INSIG2: variants seen among roughly 807,000 people sequenced by gnomAD.
INSIG2 encodes insulin induced gene 2, also known as insulin-induced gene 2 protein.
A neutral mutation model predicts 27.2 loss-of-function variants in INSIG2; 10 were observed. That is an observed-to-expected ratio of 0.37 (90% CI 0.23 to 0.62). INSIG2 has a LOEUF of 0.62. INSIG2 is among the 20% of genes least tolerant of loss of function. The probability of loss-of-function intolerance (pLI) is 0.65; values close to 1 mark genes in which losing one functional copy is unlikely to be tolerated. For synonymous variants in INSIG2, 97 were observed against 95.8 expected, an observed-to-expected ratio of 1.01 and a Z score of -0.07; for missense variants, 178 against 270.2, an observed-to-expected ratio of 0.66 and a Z score of 2.39.
chr2:118,102,895 C>T (rs889904), intron 2 of INSIG2, among the ~76,000 whole-genome samples: 76,323 of 151,986 alleles, frequency 0.5, 19,821 homozygotes, highest in African/African-American at 0.61. Context: ...TTTAGTAGCA[C>T]GAATCATTTA....
chr2:118,099,928 C>T (rs958652077), intron 2 of INSIG2, among the ~76,000 whole-genome samples: 1 of 152,172 alleles, frequency 6.6e-6, no homozygotes, highest in African/African-American at 2.4e-5. Flanking sequence ...ATGGTACCCT[C>T]ACTGCTAAGA....
At chr2:118,093,392 A>AGGAGGAGG (rs1208153099) in intron 1 of INSIG2, among the ~76,000 whole-genome samples, 3 of 1,874 alleles carry the variant, frequency 1.6e-3, no homozygotes, top group Admixed American at 0.013. Flanking sequence ...GATGATGATG[A>AGGAGGAGG]AGGAGAGTTC....
intron 5 of INSIG2, 51 bp from the exon 6 acceptor site, chr2:118,108,230 A>G (rs372874775): frequency 1.6e-6 from 2 of 1,236,582 alleles, no homozygotes; most frequent in Non-Finnish European, 2.3e-6. Context: ...GGAAGTTGCT[A>G]TTCAAAAGAA....
chr2:118,101,290 C>CA (rs1365038415), intron 2 of INSIG2, among the ~76,000 whole-genome samples: 2 of 152,182 alleles, frequency 1.3e-5, no homozygotes, highest in Non-Finnish European at 2.9e-5. Flanking sequence ...CATGCATACT[C>CA]AATGGATTTG....
chr2:118,100,435 G>A (rs1678515034), intron 2 of INSIG2, among the ~76,000 whole-genome samples: 1 of 126,064 alleles, frequency 7.9e-6, no homozygotes, highest in Non-Finnish European at 1.6e-5. Context: ...CTGGAGTGCA[G>A]TGGCGCCATC....
intron 2 of INSIG2, among the ~76,000 whole-genome samples, chr2:118,100,248 C>T (rs538245174): frequency 3.0e-4 from 45 of 152,248 alleles, no homozygotes; most frequent in African/African-American, 1.0e-3. Context: ...AGCACCTTGC[C>T]TTCCCCTAGC....
Position 118,096,485 on chromosome 2 carries a change from G to C in INSIG2, c.-72G>C. ...TTGAAGCGTCAGTCTTTGATTCACA[G>C]ACAGTTGAGCTTTTCAGCTGGGAAG... is the stretch of plus-strand genomic sequence containing the variant. On this transcript the variant is annotated 5_prime_UTR_variant, in exon 2 of 6. Transcript: ENST00000245787. 3 of 1,480,278 alleles carry C rather than the reference G, an allele frequency of 2.0e-6. No homozygotes were observed. Among genetic ancestry groups the C allele is most frequent in the Non-Finnish European group, 2.7e-6 (3 of 1,104,200 alleles). The allele number at this position is 1,480,278 out of a possible 1,614,324, so 91.7% of individuals were successfully genotyped here.
intron 2 of INSIG2, among the ~76,000 whole-genome samples, chr2:118,101,774 A>G (rs564261415): frequency 2.6e-5 from 4 of 152,340 alleles, no homozygotes; most frequent in Non-Finnish European, 5.9e-5. Flanking sequence ...TGAAACTTCT[A>G]GATTTACTAA....
chr2:118,103,174 AT>A (rs1678590752), intron 2 of INSIG2, 22 bp from the exon 3 acceptor site: 17 of 1,606,500 alleles, frequency 1.1e-5, no homozygotes, highest in Non-Finnish European at 1.3e-5. Context: ...AGGTAACTTA[AT>A]TTTTTTCTTT....
chr2:118,102,995 C>T (rs995473650), intron 2 of INSIG2, among the ~76,000 whole-genome samples: 1 of 150,254 alleles, frequency 6.7e-6, no homozygotes, highest in Non-Finnish European at 1.5e-5. Flanking sequence ...GCAATACTTT[C>T]TTCATTGGTG....
intron 4 of INSIG2, 62 bp from the exon 5 acceptor site, chr2:118,107,028 T>C: frequency 6.9e-7 from 1 of 1,452,378 alleles, no homozygotes; most frequent in East Asian, 2.3e-5. Flanking sequence ...ATTTTCATTG[T>C]AATTATCTTA....
At chr2:118,088,892 T>C (rs1678158795) in intron 1 of INSIG2, among the ~76,000 whole-genome samples, 1 of 152,118 alleles carries the variant, frequency 6.6e-6, no homozygotes, top group African/African-American at 2.4e-5. Flanking sequence ...CTGTCAAGCA[T>C]AGAGCTGCCA....
Position 118,096,455 on chromosome 2 carries a change from T to A in INSIG2, c.-102T>A. 8.4e-7 allele frequency: 1 copy of A among 1,195,906 alleles called. No homozygotes were observed. The allele number at this position is 1,195,906 out of a possible 1,614,324, so 74.1% of individuals were successfully genotyped here. A position where few individuals can be genotyped will look rare whatever the true frequency, so the allele number is the denominator to read the frequency against. On this transcript the variant is annotated 5_prime_UTR_variant, in exon 2 of 6. Transcript: ENST00000245787. Reference sequence around the variant, plus strand: ...GGTCCTACTTTAGGACAAGATGTGGTACCGTTGAAGCGTCAGTCTTTGATT... The same window carrying A: ...GGTCCTACTTTAGGACAAGATGTGGAACCGTTGAAGCGTCAGTCTTTGATT...
chr2:118,094,342 C>G (rs1678356564), intron 1 of INSIG2, among the ~76,000 whole-genome samples: 1 of 123,744 alleles, frequency 8.1e-6, no homozygotes, highest in Non-Finnish European at 1.7e-5. Context: ...AGTTCTGTAG[C>G]TACTGAACCT....
intron 1 of INSIG2, chr2:118,088,770 G>GTA (rs1008909914): frequency 1.3e-5 from 2 of 152,890 alleles, no homozygotes; most frequent in African/African-American, 4.8e-5. Context: ...CGGGGAGGGG[G>GTA]TATAGGAGGG....
rs935499678 is a variant in INSIG2 at position 118,106,684 on chromosome 2, G to C, written c.370-53G>C. ...CATCTCTTATTTAGAAAAATGAACA[G>C]ATGATATTATTTGGTTACAACTTTT... On this transcript the variant is annotated intron_variant, in intron 3 of 5. Transcript: ENST00000245787. The C allele has an allele frequency of 1.6e-5, 24 of 1,456,682 alleles. No homozygotes were observed. In the African/African-American group the frequency reaches 3.1e-4, roughly 19 times the overall value. The allele number at this position is 1,456,682 out of a possible 1,614,324, so 90.2% of individuals were successfully genotyped here.
intron 1 of INSIG2, among the ~76,000 whole-genome samples, chr2:118,090,915 C>T (rs572194714): frequency 6.6e-6 from 1 of 152,238 alleles, no homozygotes; most frequent in South Asian, 2.1e-4. Flanking sequence ...ACTAACAACA[C>T]CTGCCTATTT....
chr2:118,098,970 T>G (rs978245159), intron 2 of INSIG2, among the ~76,000 whole-genome samples: 1 of 152,220 alleles, frequency 6.6e-6, no homozygotes, highest in African/African-American at 2.4e-5. Context: ...ATTTTGTTAG[T>G]TAAGTCATGG....
intron 3 of INSIG2, among the ~76,000 whole-genome samples, chr2:118,104,842 T>C (rs1027933618): frequency 6.6e-6 from 1 of 152,160 alleles, no homozygotes; most frequent in Admixed American, 6.5e-5. Flanking sequence ...AGTAGAGAAA[T>C]TTAAATAGCC....
Sources: gnomAD v4.1 joint callset for allele counts (sites outside exome capture counted in the v4.1 genomes callset) on GRCh38, gnomAD v4.1.1 for gene constraint, MANE v1.5 for transcripts, NCBI Gene and HGNC (gene_info 2026-07-23, HGNC 2026-07-21) for gene names.